Variants in DCLRE1C observed in about 807,000 individuals in gnomAD.
The protein encoded by DCLRE1C is protein artemis.
Under a neutral mutation model 61.4 loss-of-function variants are expected in DCLRE1C, and 47 were observed. The ratio of observed to expected loss-of-function variants is 0.77; its 90% CI spans 0.61 to 0.98. DCLRE1C has a LOEUF of 0.98. Among genes scored for constraint, DCLRE1C ranks in the 50% least tolerant of loss-of-function variants. The pLI, the probability that DCLRE1C is intolerant of heterozygous loss-of-function variation, is 0.00. For missense variants in DCLRE1C, 858 were observed against 816.0 expected, an observed-to-expected ratio of 1.05 and a Z score of -0.63; for synonymous variants, 337 against 287.6, an observed-to-expected ratio of 1.17 and a Z score of -1.74.
At position 14,908,262 on chromosome 10, in the gene DCLRE1C, A is replaced by G. The variant is rs1834642200; in HGVS notation, c.*146T>C. On this transcript the variant is annotated 3_prime_UTR_variant, in exon 14 of 14. Transcript: ENST00000378278. Reference sequence around the variant, plus strand: ...TGGGCTCAAGCCATTGCCCACCTCAAAGTGCTGGGATTACAAGTGTGAGCC... The same window carrying G: ...TGGGCTCAAGCCATTGCCCACCTCAGAGTGCTGGGATTACAAGTGTGAGCC... 3.0e-6 allele frequency: 2 copies of G among 673,680 alleles called. No individual in the cohort carries two copies. The highest frequency in any genetic ancestry group is 2.5e-5 in the Admixed American group (1 of 39,768). 41.7% of individuals were successfully genotyped at this position (673,680 alleles called of 1,614,324 possible).
rs1362074694 is a variant in DCLRE1C at position 14,935,454 on chromosome 10, G to A, written c.464+9C>T. On this transcript the variant is annotated intron_variant, in intron 6 of 13. Transcript: ENST00000378278. ...TAAAATAAAATAAAACCTATACGAG[G>A]CCCAGTACCTGCCCCCGGAGTGCAG... 6 of 1,612,918 alleles carry A rather than the reference G, an allele frequency of 3.7e-6. No homozygotes were observed. The highest frequency in any genetic ancestry group is 5.1e-6 in the Non-Finnish European group (6 of 1,179,008).
At chr10:14,945,450 C>T in intron 2 of DCLRE1C, 1 of 1,185,864 alleles carries the variant, frequency 8.4e-7, no homozygotes, top group South Asian at 1.8e-5. Flanking sequence ...CACACCATTT[C>T]AGTGCCACCA....
chr10:14,929,948 T>A (rs1838692139), intron 9 of DCLRE1C, among the ~76,000 whole-genome samples: 1 of 152,236 alleles, frequency 6.6e-6, no homozygotes, highest in South Asian at 2.1e-4. Context: ...CGGCTAGAAA[T>A]AGCATCTCAA....
chr10:14,899,461 C>A, intron 13 of DCLRE1C: 1 of 1,453,420 alleles, frequency 6.9e-7, no homozygotes. Context: ...TGTAGGTATT[C>A]GCATATTAGT....
downstream of DCLRE1C, among the ~76,000 whole-genome samples, chr10:14,900,922 C>T (rs1227877537): frequency 6.6e-6 from 1 of 152,080 alleles, no homozygotes; most frequent in Non-Finnish European, 1.5e-5. Context: ...ATAGGGATTT[C>T]TTATTTTCTC....
intron 9 of DCLRE1C, among the ~76,000 whole-genome samples, chr10:14,929,627 G>A (rs1043231067): frequency 6.6e-6 from 1 of 151,982 alleles, no homozygotes; most frequent in African/African-American, 2.4e-5. Flanking sequence ...GGGTGACAGA[G>A]CAAGACTCTA....
intron 1 of DCLRE1C, among the ~76,000 whole-genome samples, chr10:14,953,557 A>C (rs910689748): frequency 6.6e-6 from 1 of 151,790 alleles, no homozygotes; most frequent in South Asian, 2.1e-4. Flanking sequence ...ATGGATCTGA[A>C]ACTTGTTTTC....
chr10:14,917,486 T>TAA (rs113114583), intron 13 of DCLRE1C, among the ~76,000 whole-genome samples: 32 of 141,132 alleles, frequency 2.3e-4, no homozygotes, highest in African/African-American at 7.2e-4. Context: ...CTGATATATT[T>TAA]AAAAAAAAAA....
rs112796645 is a variant in DCLRE1C at position 14,899,533 on chromosome 10, G to C, written c.1157-221C>G. On this transcript the variant is annotated intron_variant, in intron 13 of 13. Transcript: ENST00000378289. ...ACGTAATATACTTACAGTTTTTTCT[G>C]TTTAGGTAATCACAAGTGAAGAAGC... 2,113 of 1,612,212 alleles carry C rather than the reference G, an allele frequency of 1.3e-3. 25 individuals carry two copies. The African/African-American group carries it at 0.025, about 19-fold the overall frequency.
At chr10:14,909,869 T>G (rs1319311996) in intron 13 of DCLRE1C, among the ~76,000 whole-genome samples, 4 of 152,224 alleles carry the variant, frequency 2.6e-5, no homozygotes, top group African/African-American at 7.2e-5. Context: ...TTAAATCAAC[T>G]TTAAAGCAAA....
At chr10:14,901,007 C>A, downstream of DCLRE1C, 1 of 1,285,554 alleles carries the variant, frequency 7.8e-7, no homozygotes, top group Non-Finnish European at 1.1e-6. Flanking sequence ...GACCTCTAAG[C>A]AATAAGCAAC....
chr10:14,919,150 A>G (rs1836684048), intron 13 of DCLRE1C, among the ~76,000 whole-genome samples: 1 of 152,182 alleles, frequency 6.6e-6, no homozygotes, highest in Non-Finnish European at 1.5e-5. Context: ...AAAATCAAGA[A>G]TCCTAACCAC....
chr10:14,899,110 A>G (rs890710402), exon 14 of DCLRE1C: 6 of 639,916 alleles, frequency 9.4e-6, no homozygotes, highest in Non-Finnish European at 1.4e-5. Context: ...ACTTGAGCCC[A>G]GGAGTTCCAG....
chr10:14,906,315 T>C lies in DCLRE1C; in HGVS notation c.*2093A>G, dbSNP rs1272772599. Among the ~76,000 whole-genome samples, 1 of 152,350 alleles carries C rather than the reference T, an allele frequency of 6.6e-6. No individual in the cohort carries two copies. Among genetic ancestry groups the C allele is most frequent in the South Asian group, 2.1e-4 (1 of 4,828 alleles). ...GCATCATCAGAGTAAGCACCAAATA[T>C]AATTTCTGGTAATCACTATCGGTTT... is the stretch of plus-strand genomic sequence containing the variant. On this transcript the variant is annotated 3_prime_UTR_variant, in exon 14 of 14. Coordinates refer to ENST00000378278, the MANE Select transcript of DCLRE1C (RefSeq NM_001033855.3).
At chr10:14,931,896 T>C (rs1839060520) in intron 9 of DCLRE1C, among the ~76,000 whole-genome samples, 2 of 151,988 alleles carry the variant, frequency 1.3e-5, no homozygotes, top group African/African-American at 2.4e-5. Flanking sequence ...TAGCCAAGCA[T>C]GGTGGTGCAT....
intron 13 of DCLRE1C, among the ~76,000 whole-genome samples, chr10:14,917,591 A>G (rs777049402): frequency 6.6e-6 from 1 of 152,172 alleles, no homozygotes; most frequent in Non-Finnish European, 1.5e-5. Context: ...TAGGAGGCCA[A>G]GGCAGGCAGA....
At chr10:14,915,456 G>A (rs1458770331) in intron 13 of DCLRE1C, among the ~76,000 whole-genome samples, 2 of 151,720 alleles carry the variant, frequency 1.3e-5, no homozygotes, top group African/African-American at 4.8e-5. Flanking sequence ...GGAGCAAGAG[G>A]ATTAATATCA....
At chr10:14,934,869 C>G in intron 6 of DCLRE1C, 94 bp from the exon 7 acceptor site, 1 of 901,864 alleles carries the variant, frequency 1.1e-6, no homozygotes, top group Non-Finnish European at 1.8e-6. Flanking sequence ...GCTCTGTTGC[C>G]CAGGCTGAAG....
intron 3 of DCLRE1C, among the ~76,000 whole-genome samples, chr10:14,944,881 G>T (rs1313985995): frequency 6.6e-6 from 1 of 151,722 alleles, no homozygotes; most frequent in Non-Finnish European, 1.5e-5. Flanking sequence ...TACCATGTTG[G>T]CCAGGCTGGT....
Sources: gnomAD v4.1 joint callset for allele counts (sites outside exome capture counted in the v4.1 genomes callset) on GRCh38, gnomAD v4.1.1 for gene constraint, MANE v1.5 for transcripts, NCBI Gene and HGNC (gene_info 2026-07-23, HGNC 2026-07-21) for gene names.